CADPS: variants seen among roughly 807,000 people sequenced by gnomAD.
CADPS encodes calcium-dependent secretion activator 1.
CADPS carries 57 observed loss-of-function variants against 167.3 expected under a neutral mutation model. That is an observed-to-expected ratio of 0.34 (90% confidence interval 0.28 to 0.42). The LOEUF is 0.42. Among genes scored for constraint, CADPS ranks in the 20% least tolerant of loss-of-function variants. The pLI, the probability that CADPS is intolerant of heterozygous loss-of-function variation, is 1.00. For missense variants in CADPS, 1,414 were observed against 1,738.1 expected (o/e 0.81, Z 3.32); for synonymous variants, 676 against 635.3 (o/e 1.06, Z -0.96).
chr3:62,604,637 G>C (rs1490280695), intron 6 of CADPS, among the ~76,000 whole-genome samples: 1 of 152,238 alleles, frequency 6.6e-6, no homozygotes, highest in Non-Finnish European at 1.5e-5. Context: ...CACCTGATTT[G>C]AATGTCAGTG....
intron 1 of CADPS, among the ~76,000 whole-genome samples, chr3:62,782,097 C>G (rs2091739311): frequency 6.6e-6 from 1 of 152,166 alleles, no homozygotes; most frequent in African/African-American, 2.4e-5. Flanking sequence ...ACGCATCATT[C>G]TGGAATGTTG....
intron 1 of CADPS, chr3:62,814,326 A>G (rs142270173): frequency 2.0e-5 from 3 of 152,154 alleles, no homozygotes; most frequent in Admixed American, 6.5e-5. Flanking sequence ...AATTTTCATA[A>G]TATGTTTAAC....
chr3:62,796,022 G>A (rs2093381146), intron 1 of CADPS: 1 of 152,244 alleles, frequency 6.6e-6, no homozygotes. Context: ...GGAAAGTCTT[G>A]AATCATGTGC....
Position 62,455,417 on chromosome 3 carries a change from G to C in CADPS, c.3637-9620C>G, listed in dbSNP as rs1433702040. 2.0e-5 allele frequency among the ~76,000 whole-genome samples: 3 copies of C among 152,202 alleles called. No homozygotes were observed. The highest frequency in any genetic ancestry group is 4.4e-5 in the Non-Finnish European group (3 of 68,048). On this transcript the variant is annotated intron_variant, in intron 26 of 29. Transcript: ENST00000383710. This position sits in a 1 kb window ranked among gnomAD's most constrained non-coding sequence, Gnocchi z 4.4. ...ACAGATGAGGAAACTGAGGCTCAGA[G>C]AGGTTAATCGACTTTTGAAAAGATC...
chr3:62,412,404 A>C lies in CADPS; in HGVS notation c.3778-9219T>G, dbSNP rs565401301. 1.3e-5 allele frequency among the ~76,000 whole-genome samples: 2 copies of C among 152,230 alleles called. No individual in the cohort carries two copies. Among genetic ancestry groups the C allele is most frequent in the African/African-American group, 4.8e-5 (2 of 41,532 alleles). ...TTGCCTTTAGCCTTTTCTCATTAGGAAGAGATAATGCAAAAGACATAATAA... is the reference window on the plus strand; with the variant it reads ...TTGCCTTTAGCCTTTTCTCATTAGGCAGAGATAATGCAAAAGACATAATAA... On this transcript the variant is annotated intron_variant, in intron 28 of 29. Coordinates refer to ENST00000383710, the MANE Select transcript of CADPS (RefSeq NM_003716.4). This position sits in a 1 kb window ranked among gnomAD's most constrained non-coding sequence, Gnocchi z 4.1.
Position 62,625,000 on chromosome 3 carries a change from G to A in CADPS, c.1325+20722C>T, listed in dbSNP as rs1455725094. Among the ~76,000 whole-genome samples, 7 of 144,094 alleles carry A rather than the reference G, an allele frequency of 4.9e-5. No homozygotes were observed. In the East Asian group the frequency reaches 1.4e-3, roughly 28 times the overall value. The allele number at this position is 144,094 out of a possible 152,430, so 94.5% of individuals were successfully genotyped here. On this transcript the variant is annotated intron_variant, in intron 6 of 29. Coordinates refer to ENST00000383710, the MANE Select transcript of CADPS (RefSeq NM_003716.4). Reference sequence around the variant, plus strand: ...GTCTTATTTTGTCTGGTGATGAGCAGAGAGGGTGTGTGGGATCCATGGGAG... The same window carrying A: ...GTCTTATTTTGTCTGGTGATGAGCAAAGAGGGTGTGTGGGATCCATGGGAG...
Position 62,649,541 on chromosome 3 carries a change from G to GT in CADPS, c.1203+1305dup, listed in dbSNP as rs1212818484. ...TATCAAGGGAATCATACAATATGTGGTCTTTTTTTTTTTTTTTTTTTTTTT... is the reference window on the plus strand; with the variant it reads ...TATCAAGGGAATCATACAATATGTGGTTCTTTTTTTTTTTTTTTTTTTTTTT... On this transcript the variant is annotated intron_variant, in intron 5 of 29. Coordinates refer to ENST00000383710, the MANE Select transcript of CADPS (RefSeq NM_003716.4). Among the ~76,000 whole-genome samples, 20 of 75,008 alleles carry GT rather than the reference G, an allele frequency of 2.7e-4. 1 individual carries two copies. Among genetic ancestry groups the GT allele is most frequent in the African/African-American group, 5.8e-4 (12 of 20,752 alleles). The allele number at this position is 75,008 out of a possible 152,430, so 49.2% of individuals were successfully genotyped here.
At chr3:62,719,041 C>T (rs2075234442) in intron 3 of CADPS, among the ~76,000 whole-genome samples, 1 of 152,220 alleles carries the variant, frequency 6.6e-6, no homozygotes, top group African/African-American at 2.4e-5. Flanking sequence ...TTTGTGCATT[C>T]AGAGGTCCTG....
intron 3 of CADPS, among the ~76,000 whole-genome samples, chr3:62,670,119 G>A (rs779171734): frequency 2.0e-5 from 3 of 152,060 alleles, no homozygotes; most frequent in South Asian, 2.1e-4. Context: ...TTAACCTCTC[G>A]GAGCATCTAC....
rs1560492060 is a variant in CADPS at position 62,446,695 on chromosome 3, C to G, written c.3637-898G>C. Among the ~76,000 whole-genome samples, 2 of 152,140 alleles carry G rather than the reference C, an allele frequency of 1.3e-5. No individual in the cohort carries two copies. Among genetic ancestry groups the G allele is most frequent in the Non-Finnish European group, 2.9e-5 (2 of 68,030 alleles). Reference sequence around the variant, plus strand: ...ATTCATAAGCAAATGTGGGTGAGTTCTGAGTACTGTGAAAAGTCAATGAAC... The same window carrying G: ...ATTCATAAGCAAATGTGGGTGAGTTGTGAGTACTGTGAAAAGTCAATGAAC... On this transcript the variant is annotated intron_variant, in intron 26 of 29. Coordinates refer to ENST00000383710, the MANE Select transcript of CADPS (RefSeq NM_003716.4). This position sits in a 1 kb window ranked among gnomAD's most constrained non-coding sequence, Gnocchi z 4.9.
rs751920649 is a variant in CADPS at position 62,518,187 on chromosome 3, C to G, written c.2355G>C (p.Arg785Ser). Residue 785 changes from arginine (R) to serine (S), a missense_variant, in exon 14 of 30, where the codon AGG becomes AGC. Arg to Ser is a moderately radical substitution (Grantham distance 110, BLOSUM62 -1). Transcript: ENST00000383710. ...TCTGATTTTCTAGCAGAACTCGGAG[C>G]CTCTCTTTGATTTCTTCAAAACGTT... ...EKERFEEIKE[R>S]LRVLLENQIT... is the part of the protein sequence containing the mutation. 2.5e-6 allele frequency: 4 copies of G among 1,612,698 alleles called. No individual in the cohort carries two copies. In the African/African-American group the frequency reaches 4.0e-5, roughly 16 times the overall value.
intron 28 of CADPS, among the ~76,000 whole-genome samples, chr3:62,418,324 C>CTTTT (rs1227861106): frequency 1.9e-4 from 22 of 115,056 alleles, no homozygotes; most frequent in Non-Finnish European, 3.0e-4. Context: ...TTTTTTCTCT[C>CTTTT]TTTTTTTTTT....
At chr3:62,627,573 T>C (rs906837712) in intron 6 of CADPS, among the ~76,000 whole-genome samples, 4 of 152,168 alleles carry the variant, frequency 2.6e-5, no homozygotes, top group African/African-American at 9.7e-5. Context: ...TCTTTCAGGA[T>C]AATCTGAGAA....
intron 10 of CADPS, among the ~76,000 whole-genome samples, chr3:62,553,250 A>G (rs1424837616): frequency 6.6e-6 from 1 of 152,158 alleles, no homozygotes; most frequent in Non-Finnish European, 1.5e-5. Flanking sequence ...CAGTTCATGG[A>G]GTTACTTTGG....
intron 3 of CADPS, among the ~76,000 whole-genome samples, chr3:62,675,802 C>A (rs1301862983): frequency 6.6e-6 from 1 of 152,068 alleles, no homozygotes; most frequent in African/African-American, 2.4e-5. Flanking sequence ...CAGGCTAATC[C>A]TCTGTGAAAC....
intron 28 of CADPS, chr3:62,404,364 T>C (rs1188153276): frequency 6.6e-6 from 1 of 152,632 alleles, no homozygotes; most frequent in East Asian, 1.9e-4. Context: ...AAAACATGTT[T>C]CTGATGGTAA....
intron 8 of CADPS, among the ~76,000 whole-genome samples, chr3:62,580,442 C>T (rs547543972): frequency 2.6e-5 from 4 of 151,596 alleles, no homozygotes; most frequent in Admixed American, 6.6e-5. Flanking sequence ...GTTGTGGGGT[C>T]GGGGGAGTGG....
intron 1 of CADPS, among the ~76,000 whole-genome samples, chr3:62,804,698 G>T (rs973414258): frequency 4.6e-5 from 7 of 151,898 alleles, no homozygotes; most frequent in Non-Finnish European, 8.8e-5. Context: ...TCTATAGCAC[G>T]TATTTGACAT....
At chr3:62,634,581 A>C (rs573911053) in intron 6 of CADPS, among the ~76,000 whole-genome samples, 1 of 152,196 alleles carries the variant, frequency 6.6e-6, no homozygotes, top group African/African-American at 2.4e-5. Context: ...TATGATGATT[A>C]TCTATGTGTT....
Sources: gnomAD v4.1 joint callset for allele counts (sites outside exome capture counted in the v4.1 genomes callset) on GRCh38, gnomAD v4.1.1 for gene constraint, Gnocchi (gnomAD v3.1) non-coding constraint, MANE v1.5 for transcripts, NCBI Gene and HGNC (gene_info 2026-07-23, HGNC 2026-07-21) for gene names.